Variants in URB1 observed in about 807,000 individuals in gnomAD.
URB1 encodes the protein nucleolar pre-ribosomal-associated protein 1.
URB1 carries 197 observed loss-of-function variants against 242.3 expected under a neutral mutation model. That is an observed-to-expected ratio of 0.81 (90% CI 0.72 to 0.91). The LOEUF is 0.91. Among genes scored for constraint, URB1 ranks in the 40% least tolerant of loss-of-function variants. The pLI, the probability that URB1 is intolerant of heterozygous loss-of-function variation, is 0.00. For synonymous variants in URB1, 1,153 were observed against 1,201.8 expected, an observed-to-expected ratio of 0.96 and a Z score of 0.84; for missense variants, 2,721 against 2,860.5, an observed-to-expected ratio of 0.95 and a Z score of 1.11.
Position 32,384,235 on chromosome 21 carries a change from C to T in URB1, c.434+78G>A, listed in dbSNP as rs936926375. The T allele has an allele frequency of 1.0e-5, 15 of 1,482,798 alleles. No homozygotes were observed. The African/African-American group carries it at 1.8e-4, about 18-fold the overall frequency. The allele number at this position is 1,482,798 out of a possible 1,614,324, so 91.9% of individuals were successfully genotyped here. The stretch of plus-strand genomic sequence containing the variant: ...TCTCCTCTAGCCATAAAGGTACTGA[C>T]CAAATGCACCTGCGGAGAGCTGAAT... On this transcript the variant is annotated intron_variant, in intron 3 of 38. Coordinates refer to ENST00000382751, the MANE Select transcript of URB1 (RefSeq NM_014825.3).
Position 32,312,468 on chromosome 21 carries a change from G to T in URB1, c.*2450C>A. On this transcript the variant is annotated 3_prime_UTR_variant, in exon 39 of 39. Transcript: ENST00000382751. The stretch of plus-strand genomic sequence containing the variant: ...TGATGGCATCTGCCCTGCCAGGTCA[G>T]CTCACTGCAGTCTGGGGACCTGAGT... 2.8e-6 allele frequency: 1 copy of T among 356,112 alleles called. No individual in the cohort carries two copies. Among genetic ancestry groups the T allele is most frequent in the Non-Finnish European group, 4.5e-6 (1 of 223,644 alleles). The allele number at this position is 356,112 out of a possible 1,614,324, so 22.1% of individuals were successfully genotyped here.
In URB1 at chr21:32,366,746, C is replaced by G; in HGVS notation, c.1207G>C (p.Ala403Pro). ...AATGCCCGGGAAATCTCCGGCTGAG[C>G]CTCATAGATCTAGGAAAAGCAAAAA... is the stretch of plus-strand genomic sequence containing the variant. ...NIKLLNKIYE[A>P]QPEISRAFQT... Residue 403 changes from alanine (A) to proline (P), a missense_variant, in exon 10 of 39, where the codon GCT (alanine) becomes CCT (proline). Physicochemically the swap from Ala to Pro is conservative, Grantham distance 27. Coordinates refer to ENST00000382751, the MANE Select transcript of URB1 (RefSeq NM_014825.3). The G allele has an allele frequency of 6.4e-7, 1 of 1,551,440 alleles. No homozygotes were observed. The highest frequency in any genetic ancestry group is 1.2e-5 in the South Asian group (1 of 84,036).
intron 20 of URB1, among the ~76,000 whole-genome samples, chr21:32,350,380 T>A (rs1335157188): frequency 6.6e-6 from 1 of 152,028 alleles, no homozygotes; most frequent in Non-Finnish European, 1.5e-5. Flanking sequence ...AAGGCTGTAG[T>A]GAGCTATGAT....
chr21:32,389,307 C>G (rs551118961), intron 1 of URB1, among the ~76,000 whole-genome samples: 21 of 152,122 alleles, frequency 1.4e-4, no homozygotes, highest in Non-Finnish European at 2.6e-4. Flanking sequence ...GTCAAAGAAG[C>G]AGGCAGGGCT....
intron 26 of URB1, among the ~76,000 whole-genome samples, 183 bp from the exon 27 acceptor site, chr21:32,337,697 CT>C (rs1326260165): frequency 6.6e-6 from 1 of 151,402 alleles, no homozygotes. Flanking sequence ...ATTTTCTTTT[CT>C]TTTTTTCTTT....
In URB1 at chr21:32,375,391, C is replaced by A; in HGVS notation, c.750+7G>T. ...GACAACAGAAACGCGGATCACCAAG[C>A]ACATACCTTTGTTTTCAGTGTGGAT... On this transcript the variant is annotated splice_region_variant and intron_variant, in intron 6 of 38. Transcript: ENST00000382751. The A allele has an allele frequency of 6.6e-7, 1 of 1,504,574 alleles. No homozygotes were observed. The highest frequency in any genetic ancestry group is 1.3e-5 in the South Asian group (1 of 78,166). 93.2% of individuals were successfully genotyped at this position (1,504,574 alleles called of 1,614,324 possible).
In URB1 at chr21:32,373,664, T is replaced by G. The variant is rs1486802786; in HGVS notation, c.859A>C (p.Asn287His). The change falls in exon 7 of 39, where the codon AAC (asparagine) becomes CAC (histidine). Residue 287 changes from asparagine to histidine, a missense_variant. Transcript: ENST00000382751. The stretch of plus-strand genomic sequence containing the variant: ...GTCTGCACCTTGACATTTTCTGGGT[T>G]CACATCGGTAATCCCATTCCAGTTG... Reference protein sequence around the residue: ...LYNWNGITDVNPENVKVSAEE... With the variant: ...LYNWNGITDVHPENVKVSAEE... 3.2e-6 allele frequency: 5 copies of G among 1,539,444 alleles called. No individual in the cohort carries two copies. Among genetic ancestry groups the G allele is most frequent in the Admixed American group, 2.1e-5 (1 of 47,508 alleles).
rs1308332953 is a variant in URB1, at chr21:32,357,567, C to T, written c.1959G>A (p.Leu653=). 1 of 1,529,702 alleles carries T rather than the reference C, an allele frequency of 6.5e-7. No individual in the cohort carries two copies. The highest frequency in any genetic ancestry group is 8.8e-7 in the Non-Finnish European group (1 of 1,140,414). 94.8% of individuals were successfully genotyped at this position (1,529,702 alleles called of 1,614,324 possible). Residue 653 remains leucine (L), a synonymous_variant, in exon 15 of 39, where the codon CTG becomes CTA. Coordinates refer to ENST00000382751, the MANE Select transcript of URB1 (RefSeq NM_014825.3). ...KMFVTSSHLQ[L]KSLTKLLIMK... ...TGATCAGAAGTTTGGTCAATGACTT[C>T]AGTTGTAAATGGCTACTGGTCACAA...
chr21:32,391,111 G>A (rs1171054757), intron 1 of URB1, among the ~76,000 whole-genome samples: 7 of 151,228 alleles, frequency 4.6e-5, no homozygotes, highest in Admixed American at 2.0e-4. Flanking sequence ...GCAAACTATC[G>A]CAAGGACAAA....
At chr21:32,356,316 CAGA>C (rs2033219919) in intron 15 of URB1, among the ~76,000 whole-genome samples, 1 of 152,138 alleles carries the variant, frequency 6.6e-6, no homozygotes, top group South Asian at 2.1e-4. Context: ...CACTTGAGCC[CAGA>C]AGGTCAAGAT....
rs981973230 is a variant in URB1 at position 32,353,930 on chromosome 21, T to C, written c.2416+3A>G. Reference sequence around the variant, plus strand: ...CCAAGACATCCTGACTATACATAGGTACCTGCTTCATTGCCTGTCCCAAGG... The same window carrying C: ...CCAAGACATCCTGACTATACATAGGCACCTGCTTCATTGCCTGTCCCAAGG... On this transcript the variant is annotated splice_donor_region_variant and intron_variant, in intron 18 of 38. Coordinates refer to ENST00000382751, the MANE Select transcript of URB1 (RefSeq NM_014825.3). The C allele has an allele frequency of 4.4e-5, 68 of 1,551,500 alleles. 1 individual carries two copies. In the Admixed American group the frequency reaches 1.3e-3, roughly 29 times the overall value.
intron 10 of URB1, among the ~76,000 whole-genome samples, 172 bp downstream of exon 10, chr21:32,366,446 A>G (rs751464605): frequency 6.6e-6 from 1 of 152,170 alleles, no homozygotes. Flanking sequence ...AGGTGCGTGG[A>G]CCTGTCACTT....
At chr21:32,388,647 C>G (rs1468667569) in intron 1 of URB1, among the ~76,000 whole-genome samples, 1 of 152,234 alleles carries the variant, frequency 6.6e-6, no homozygotes, top group African/African-American at 2.4e-5. Flanking sequence ...GCTCAGTCGG[C>G]ACAGGCACCC....
intron 34 of URB1, 146 bp downstream of exon 34, chr21:32,321,655 C>A (rs1449897438): frequency 8.0e-7 from 1 of 1,243,470 alleles, no homozygotes; most frequent in Admixed American, 2.4e-5. Flanking sequence ...GCGCTCTCAA[C>A]ATCTCACTTC....
chr21:32,347,852 A>G, intron 21 of URB1, 41 bp from the exon 22 acceptor site: 1 of 1,509,302 alleles, frequency 6.6e-7, no homozygotes, highest in Non-Finnish European at 8.8e-7. Context: ...CATAGAGCAC[A>G]GGGCTAAGAC....
rs1284760618 is a variant in URB1, at chr21:32,383,542, G to A, written c.447C>T (p.Ala149=). The A allele has an allele frequency of 6.4e-7, 1 of 1,551,430 alleles. No individual in the cohort carries two copies. The highest frequency in any genetic ancestry group is 2.0e-5 in the Admixed American group (1 of 50,956). The change falls in exon 4 of 39, where the codon GCC becomes GCT. Residue 149 remains alanine (A), a synonymous_variant. Coordinates refer to ENST00000382751, the MANE Select transcript of URB1 (RefSeq NM_014825.3). ...LYASGYRLAR[A]CLSLMTAMVT... Reference sequence around the variant, plus strand: ...CCATGGCGGTCATCAGGCTCAGGCAGGCGCGAGCCAACCTGCACAGGGAAC... The same window carrying A: ...CCATGGCGGTCATCAGGCTCAGGCAAGCGCGAGCCAACCTGCACAGGGAAC...
chr21:32,349,587 C>A, intron 20 of URB1, 104 bp from the exon 21 acceptor site: 1 of 1,265,560 alleles, frequency 7.9e-7, no homozygotes, highest in Non-Finnish European at 1.1e-6. Context: ...ACTCGGGAGG[C>A]AGGCTGAGAT....
intron 31 of URB1, 91 bp downstream of exon 31, chr21:32,325,138 G>A: frequency 1.4e-6 from 2 of 1,431,634 alleles, no homozygotes; most frequent in Non-Finnish European, 1.9e-6. Context: ...GTGTTCCCTA[G>A]TAAATCCTTC....
chr21:32,377,862 C>A (rs190100180), intron 5 of URB1, among the ~76,000 whole-genome samples: 2 of 152,154 alleles, frequency 1.3e-5, no homozygotes, highest in Middle Eastern at 3.4e-3. Flanking sequence ...GGAATCTTAC[C>A]GAGCAACTGC....
Sources: gnomAD v4.1 joint callset for allele counts (sites outside exome capture counted in the v4.1 genomes callset) on GRCh38, gnomAD v4.1.1 for gene constraint, MANE v1.5 for transcripts, NCBI Gene and HGNC (gene_info 2026-07-23, HGNC 2026-07-21) for gene names.